The following PCDHGB2 variants were observed in gnomAD, a reference collection of about 807,000 sequenced individuals.
PCDHGB2 encodes the protein protocadherin gamma-B2.
In PCDHGB2, 55 loss-of-function variants were observed where a neutral mutation model predicts 59.3. That is an observed-to-expected ratio of 0.93 (90% CI 0.75 to 1.16). The LOEUF is 1.16. PCDHGB2 is among the 50% of genes most tolerant of loss of function. PCDHGB2 has a pLI of 0.00. For missense variants in PCDHGB2, 1,228 were observed against 1,198.5 expected (o/e 1.02, Z -0.36); for synonymous variants, 516 against 512.0 (o/e 1.01, Z -0.11).
rs372043756 is a variant in PCDHGB2 at position 141,476,212 on chromosome 5, C to G, written c.2422-18595C>G. ...GTGCCTTGAACAAGGCTTCCACGGT[C>G]ATTCACTATGAGATCCCGGAGGAAA... On this transcript the variant is annotated intron_variant, in intron 1 of 3. Coordinates refer to ENST00000522605, the MANE Select transcript of PCDHGB2 (RefSeq NM_018923.3). The surrounding 1 kb of genome is among the most constrained non-coding windows in gnomAD (Gnocchi z 7.6). 6 of 1,613,932 alleles carry G rather than the reference C, an allele frequency of 3.7e-6. No individual in the cohort carries two copies. The highest frequency in any genetic ancestry group is 5.1e-6 in the Non-Finnish European group (6 of 1,180,012).
At chr5:141,450,642 A>C (rs2098688710) in intron 1 of PCDHGB2, among the ~76,000 whole-genome samples, 1 of 151,504 alleles carries the variant, frequency 6.6e-6, no homozygotes, top group Non-Finnish European at 1.5e-5. Context: ...GCCTGCCACC[A>C]TGCCTGGCTA....
At chr5:141,382,828 G>T (rs986779175) in intron 1 of PCDHGB2, 1 of 1,372,334 alleles carries the variant, frequency 7.3e-7, no homozygotes. Context: ...AGACAGAGGG[G>T]TCCACCCGGA....
Position 141,360,106 on chromosome 5 carries a change from T to C in PCDHGB2, c.-30T>C. 9 of 1,552,260 alleles carry C rather than the reference T, an allele frequency of 5.8e-6. No individual in the cohort carries two copies. Among genetic ancestry groups the C allele is most frequent in the Non-Finnish European group, 7.8e-6 (9 of 1,148,774 alleles). On this transcript the variant is annotated 5_prime_UTR_variant, in exon 1 of 4. Coordinates refer to ENST00000522605, the MANE Select transcript of PCDHGB2 (RefSeq NM_018923.3). ...CCATCCCCGGAAGGCTTATTCCTCC[T>C]ATGGGCAAAGGAGCAAAGGGAGCCA...
rs1360364370 is a variant in PCDHGB2, at chr5:141,491,814, G to A, written c.2422-2993G>A. 1 of 1,486,114 alleles carries A rather than the reference G, an allele frequency of 6.7e-7. No individual in the cohort carries two copies. The allele number at this position is 1,486,114 out of a possible 1,614,324, so 92.1% of individuals were successfully genotyped here. On this transcript the variant is annotated intron_variant, in intron 1 of 3. Transcript: ENST00000522605. This position sits in a 1 kb window ranked among gnomAD's most constrained non-coding sequence, Gnocchi z 6.9. ...TCCTCTCCGGCCGGCTTGGTCGCTGGCTGCGCTCCACCCGATTCTCGGGAT... is the reference window on the plus strand; with the variant it reads ...TCCTCTCCGGCCGGCTTGGTCGCTGACTGCGCTCCACCCGATTCTCGGGAT...
intron 1 of PCDHGB2, chr5:141,372,696 C>T: frequency 6.2e-7 from 1 of 1,613,994 alleles, no homozygotes; most frequent in Non-Finnish European, 8.5e-7. Context: ...GTTTAAATTT[C>T]TCAATATAAA....
At chr5:141,423,120 G>A in intron 1 of PCDHGB2, 1 of 1,613,800 alleles carries the variant, frequency 6.2e-7, no homozygotes. Flanking sequence ...GTACAGCGCG[G>A]GCACTGCTGG....
intron 1 of PCDHGB2, chr5:141,441,447 C>T: frequency 6.2e-6 from 1 of 161,550 alleles, no homozygotes. Flanking sequence ...CCAGCCCAAG[C>T]ATCACCCTAC....
intron 1 of PCDHGB2, among the ~76,000 whole-genome samples, chr5:141,456,537 G>A (rs1411788378): frequency 1.3e-5 from 2 of 152,178 alleles, no homozygotes; most frequent in African/African-American, 4.8e-5. Flanking sequence ...ATTAAAGAGG[G>A]ATTGTAGCCA....
chr5:141,463,615 A>G (rs1336539466), intron 1 of PCDHGB2, among the ~76,000 whole-genome samples: 1 of 151,408 alleles, frequency 6.6e-6, no homozygotes, highest in Admixed American at 6.6e-5. Context: ...TGCCCGGCTA[A>G]TTTTTTGTAT....
At chr5:141,400,376 T>A in intron 1 of PCDHGB2, 1 of 1,614,070 alleles carries the variant, frequency 6.2e-7, no homozygotes, top group East Asian at 2.2e-5. Context: ...TCCTACAACC[T>A]ATGTGTTGCA....
At chr5:141,497,214 G>C (rs929868102) in intron 2 of PCDHGB2, among the ~76,000 whole-genome samples, 2 of 152,138 alleles carry the variant, frequency 1.3e-5, no homozygotes, top group African/African-American at 4.8e-5. Flanking sequence ...TGTAATGGGG[G>C]GGGGAAGATC....
rs755090005 is a variant in PCDHGB2, at chr5:141,388,852, G to A, written c.2421+26296G>A. 1.9e-5 allele frequency: 31 copies of A among 1,613,990 alleles called. 1 individual carries two copies. The South Asian group carries it at 3.0e-4, about 15-fold the overall frequency. On this transcript the variant is annotated intron_variant, in intron 1 of 3. Coordinates refer to ENST00000522605, the MANE Select transcript of PCDHGB2 (RefSeq NM_018923.3). ...ATAGTTTTGGAAGCAAGGGACGGTG[G>A]AGGAATGATTGCGCAATGCACAGTG...
At chr5:141,439,496 G>A (rs1166315364) in intron 1 of PCDHGB2, among the ~76,000 whole-genome samples, 2 of 152,152 alleles carry the variant, frequency 1.3e-5, no homozygotes, top group Non-Finnish European at 2.9e-5. Context: ...AGTGAGAAAC[G>A]TCTTTCTCTC....
Position 141,493,359 on chromosome 5 carries a change from G to A in PCDHGB2, c.2422-1448G>A, listed in dbSNP as rs956980110. Among the ~76,000 whole-genome samples the A allele has an allele frequency of 2.6e-5, 4 of 152,148 alleles. No homozygotes were observed. The highest frequency in any genetic ancestry group is 9.7e-5 in the African/African-American group (4 of 41,418). ...CCAGAATGTGTGCTTTTAATTTCTT[G>A]GCACTTGGAACTTTAAAAGCTTGAG... On this transcript the variant is annotated intron_variant, in intron 1 of 3. Transcript: ENST00000522605. This position sits in a 1 kb window ranked among gnomAD's most constrained non-coding sequence, Gnocchi z 4.3.
intron 1 of PCDHGB2, among the ~76,000 whole-genome samples, chr5:141,467,051 T>G (rs988417775): frequency 6.6e-6 from 1 of 151,462 alleles, no homozygotes; most frequent in Non-Finnish European, 1.5e-5. Context: ...TGAATCAATG[T>G]TTTCTTTTTT....
chr5:141,433,389 A>G (rs1157605590), intron 1 of PCDHGB2, among the ~76,000 whole-genome samples: 2 of 151,108 alleles, frequency 1.3e-5, no homozygotes, highest in African/African-American at 2.4e-5. Context: ...CTATCTATCT[A>G]TCTATCTATC....
intron 1 of PCDHGB2, chr5:141,399,856 G>T: frequency 6.2e-7 from 1 of 1,612,894 alleles, no homozygotes; most frequent in South Asian, 1.1e-5. Context: ...GGTGCCGCGC[G>T]CTGCAGAGCC....
chr5:141,450,678 G>C (rs1038323301), intron 1 of PCDHGB2, among the ~76,000 whole-genome samples: 1 of 151,854 alleles, frequency 6.6e-6, no homozygotes, highest in Non-Finnish European at 1.5e-5. Context: ...GTAGAAACGG[G>C]GTTTTGCCAT....
chr5:141,366,516 GCA>G (rs1377618630), intron 1 of PCDHGB2: 10 of 1,614,156 alleles, frequency 6.2e-6, no homozygotes, highest in East Asian at 4.5e-5. Context: ...CAGGCTGAAG[GCA>G]GCAGGTTGGC....
Sources: allele counts gnomAD v4.1 joint callset (sites outside exome capture counted in the v4.1 genomes callset), GRCh38; gene constraint gnomAD v4.1.1; non-coding constraint Gnocchi (gnomAD v3.1); transcripts MANE v1.5; gene names NCBI Gene and HGNC (gene_info 2026-07-23, HGNC 2026-07-21).